Variants in TMEM255B observed in about 807,000 individuals in gnomAD.
The protein encoded by TMEM255B is transmembrane protein 255B, also known as family with sequence similarity 70, member B.
Under a neutral mutation model 34.5 loss-of-function variants are expected in TMEM255B, and 35 were observed. That is an observed-to-expected ratio of 1.01 (90% CI 0.77 to 1.34). The LOEUF is 1.34. Ranked by LOEUF, TMEM255B falls within the 40% of genes most tolerant of loss-of-function variation. The pLI is 0.00. For missense variants in TMEM255B, 432 were observed against 433.2 expected (o/e 1.00, Z 0.02); for synonymous variants, 206 against 201.2 (o/e 1.02, Z -0.20).
chr13:113,775,014 CACA>C (rs770429203), intron 3 of TMEM255B, among the ~76,000 whole-genome samples: 6 of 144,470 alleles, frequency 4.2e-5, no homozygotes, highest in Non-Finnish European at 7.6e-5. Flanking sequence ...CCACACAATA[CACA>C]ACACACACCA....
intron 1 of TMEM255B, among the ~76,000 whole-genome samples, chr13:113,762,076 T>G (rs994845996): frequency 6.8e-6 from 1 of 147,216 alleles, no homozygotes; most frequent in African/African-American, 2.6e-5. Flanking sequence ...ATTTTCACAG[T>G]GCGTGTAATA....
intron 8 of TMEM255B, among the ~76,000 whole-genome samples, chr13:113,808,045 C>T (rs764445038): frequency 7.9e-5 from 12 of 152,172 alleles, no homozygotes; most frequent in Admixed American, 5.9e-4. Flanking sequence ...AATATACGCA[C>T]GCTGATAATT....
chr13:113,798,782 G>A (rs1217536054), intron 4 of TMEM255B, among the ~76,000 whole-genome samples: 1 of 152,108 alleles, frequency 6.6e-6, no homozygotes, highest in Non-Finnish European at 1.5e-5. Flanking sequence ...TGAATGGAAG[G>A]ATGGATGATG....
At chr13:113,811,214 TGG>T (rs1345832425) in intron 8 of TMEM255B, among the ~76,000 whole-genome samples, 1 of 8,120 alleles carries the variant, frequency 1.2e-4, no homozygotes, top group Non-Finnish European at 2.4e-4. Context: ...CCTGGATCTG[TGG>T]GGGGGGCCGG....
rs752162449 is a variant in TMEM255B at position 113,769,014 on chromosome 13, G to A, written c.190-84G>A. ...GTCCCTGGATAAAATGCCTTTGAGG[G>A]CGGGATTATTTGCTTTAAATGTCAG... On this transcript the variant is annotated intron_variant, in intron 2 of 8. Transcript: ENST00000375353. This position sits in a 1 kb window ranked among gnomAD's most constrained non-coding sequence, Gnocchi z 4.2. 6.7e-7 allele frequency: 1 copy of A among 1,492,108 alleles called. No individual in the cohort carries two copies. Among genetic ancestry groups the A allele is most frequent in the Non-Finnish European group, 9.3e-7 (1 of 1,072,000 alleles). 92.4% of individuals were successfully genotyped at this position (1,492,108 alleles called of 1,614,324 possible).
At chr13:113,763,484 T>G (rs1381144265) in intron 1 of TMEM255B, among the ~76,000 whole-genome samples, 3 of 152,142 alleles carry the variant, frequency 2.0e-5, no homozygotes, top group Non-Finnish European at 4.4e-5. Flanking sequence ...CTCCTGTCTC[T>G]CGGGCAAACG....
chr13:113,780,112 T>C (rs1192139123), intron 3 of TMEM255B, among the ~76,000 whole-genome samples: 3 of 152,224 alleles, frequency 2.0e-5, no homozygotes, highest in Non-Finnish European at 4.4e-5. Context: ...GTTGGGTGAA[T>C]TCCTCTCCTG....
In TMEM255B at chr13:113,799,434, T is replaced by C; in HGVS notation, c.423+15T>C. On this transcript the variant is annotated intron_variant, in intron 5 of 8. Transcript: ENST00000375353. ...ACCAGACAGAGGTGAGCAGGAGCAC[T>C]GAGATTCATGTGGGTTTTGCTCAGC... is the stretch of plus-strand genomic sequence containing the variant. 6.2e-7 allele frequency: 1 copy of C among 1,612,186 alleles called. No homozygotes were observed. Among genetic ancestry groups the C allele is most frequent in the Middle Eastern group, 1.7e-4 (1 of 6,044 alleles).
chr13:113,770,175 C>T lies in TMEM255B; in HGVS notation c.252+1015C>T, dbSNP rs980003292. On this transcript the variant is annotated intron_variant, in intron 3 of 8. Coordinates refer to ENST00000375353, the MANE Select transcript of TMEM255B (RefSeq NM_182614.4). This position sits in a 1 kb window ranked among gnomAD's most constrained non-coding sequence, Gnocchi z 4.6. ...CGTGGCTGGGGAAGCCTCACGATCA[C>T]GGCGGAAGGTAAGGAGGAGCAAGTC... 2.0e-5 allele frequency among the ~76,000 whole-genome samples: 3 copies of T among 152,296 alleles called. No homozygotes were observed. Among genetic ancestry groups the T allele is most frequent in the Admixed American group, 6.5e-5 (1 of 15,290 alleles).
At position 113,813,585 on chromosome 13, in the gene TMEM255B, C is replaced by A. The variant is rs1055283276; in HGVS notation, c.*1682C>A. On this transcript the variant is annotated 3_prime_UTR_variant, in exon 9 of 9. Coordinates refer to ENST00000375353, the MANE Select transcript of TMEM255B (RefSeq NM_182614.4). Reference sequence around the variant, plus strand: ...GGAGGGTCTCACACAGCCTCTGCCCCCTCCGCTGCCCGGGAGCCTCCCTCT... The same window carrying A: ...GGAGGGTCTCACACAGCCTCTGCCCACTCCGCTGCCCGGGAGCCTCCCTCT... The A allele has an allele frequency of 2.0e-5, 3 of 149,630 alleles. No individual in the cohort carries two copies. The highest frequency in any genetic ancestry group is 6.6e-5 in the Admixed American group (1 of 15,216). The allele number at this position is 149,630 out of a possible 1,614,324, so 9.3% of individuals were successfully genotyped here.
chr13:113,798,711 A>T (rs1277298659), intron 4 of TMEM255B, among the ~76,000 whole-genome samples: 2 of 147,150 alleles, frequency 1.4e-5, no homozygotes, highest in Non-Finnish European at 3.0e-5. Context: ...GGATGGATAC[A>T]TGGATGGATG....
chr13:113,780,371 T>G (rs1398216457), intron 3 of TMEM255B, among the ~76,000 whole-genome samples: 2 of 152,238 alleles, frequency 1.3e-5, no homozygotes, highest in African/African-American at 4.8e-5. Context: ...AATCACTATA[T>G]TGCCATAACT....
chr13:113,808,452 G>A (rs1253973928), intron 8 of TMEM255B, among the ~76,000 whole-genome samples: 6 of 152,314 alleles, frequency 3.9e-5, no homozygotes, highest in South Asian at 4.1e-4. Flanking sequence ...GGTTAACCCC[G>A]TGGTCCCAGG....
chr13:113,760,575 GT>G (rs1159406624), intron 1 of TMEM255B, among the ~76,000 whole-genome samples: 1 of 151,976 alleles, frequency 6.6e-6, no homozygotes, highest in African/African-American at 2.4e-5. Context: ...GCATTGGTGT[GT>G]CTGGGGTTGG....
intron 3 of TMEM255B, among the ~76,000 whole-genome samples, chr13:113,771,645 C>T (rs1282933584): frequency 6.6e-6 from 1 of 152,128 alleles, no homozygotes; most frequent in African/African-American, 2.4e-5. Context: ...AGCCATTGCA[C>T]TCCAGCCTGG....
rs1192537250 is a variant in TMEM255B at position 113,808,956 on chromosome 13, T to C, written c.814-2780T>C. ...GGATTTATGCTGTGGTTTCTGGGGG[T>C]TTACCTCTGTGGTTCCTGGGGAGAT... On this transcript the variant is annotated intron_variant, in intron 8 of 8. Transcript: ENST00000375353. 2.8e-5 allele frequency among the ~76,000 whole-genome samples: 4 copies of C among 144,436 alleles called. 1 individual carries two copies. The highest frequency in any genetic ancestry group is 6.1e-5 in the Non-Finnish European group (4 of 66,096). The allele number at this position is 144,436 out of a possible 152,430, so 94.8% of individuals were successfully genotyped here.
chr13:113,791,808 G>A (rs1331540957), intron 3 of TMEM255B, among the ~76,000 whole-genome samples: 1 of 152,212 alleles, frequency 6.6e-6, no homozygotes, highest in Non-Finnish European at 1.5e-5. Context: ...AGAAACTGTG[G>A]GAGTTCTTAA....
At position 113,790,015 on chromosome 13, in the gene TMEM255B, T is replaced by TGGACATCCTAGCACTGGACTGACC. The variant is rs1566733291; in HGVS notation, c.253-5131_253-5130insACATCCTAGCACTGGACTGACCGG. Among the ~76,000 whole-genome samples, 26 of 141,010 alleles carry TGGACATCCTAGCACTGGACTGACC rather than the reference T, an allele frequency of 1.8e-4. 1 individual carries two copies. Among genetic ancestry groups the TGGACATCCTAGCACTGGACTGACC allele is most frequent in the South Asian group, 4.6e-4 (2 of 4,380 alleles). 92.5% of individuals were successfully genotyped at this position (141,010 alleles called of 152,430 possible). A position where few individuals can be genotyped will look rare whatever the true frequency, so the allele number is the denominator to read the frequency against. ...GTGGACATCCTAGCACTGGACTGAC[T>TGGACATCCTAGCACTGGACTGACC]GGGCACCTGAACATCCTAGCGCTGG... On this transcript the variant is annotated intron_variant, in intron 3 of 8. Transcript: ENST00000375353.
At chr13:113,807,741 T>A (rs1206199294) in intron 8 of TMEM255B, among the ~76,000 whole-genome samples, 5 of 113,844 alleles carry the variant, frequency 4.4e-5, no homozygotes, top group Admixed American at 1.1e-4. Flanking sequence ...GCTTATGGGA[T>A]GTGGGGGGTA....
Sources: gnomAD v4.1 joint callset for allele counts (sites outside exome capture counted in the v4.1 genomes callset) on GRCh38, gnomAD v4.1.1 for gene constraint, Gnocchi (gnomAD v3.1) non-coding constraint, MANE v1.5 for transcripts, NCBI Gene and HGNC (gene_info 2026-07-23, HGNC 2026-07-21) for gene names.